The following A3GALT2 variants were observed in gnomAD, a reference collection of about 807,000 sequenced individuals.
A3GALT2 encodes the protein alpha-1,3-galactosyltransferase 2.
A3GALT2 carries 14 observed loss-of-function variants against 16.6 expected under a neutral mutation model. That is an observed-to-expected ratio of 0.84 (90% CI 0.56 to 1.32). The LOEUF (loss-of-function observed/expected upper bound fraction) is 1.32. A3GALT2 is among the 40% of genes most tolerant of loss of function. A3GALT2 has a pLI of 0.00. For missense variants in A3GALT2, 600 were observed against 490.9 expected (o/e 1.22, Z -2.10); for synonymous variants, 253 against 218.0 (o/e 1.16, Z -1.42).
intron 1 of A3GALT2, among the ~76,000 whole-genome samples, chr1:33,315,854 A>C (rs1646259004): frequency 6.6e-6 from 1 of 152,220 alleles, no homozygotes; most frequent in African/African-American, 2.4e-5. Flanking sequence ...CACTGTGCTA[A>C]GTCAGGGATT....
chr1:33,312,852 G>T lies in A3GALT2; in HGVS notation c.62C>A (p.Thr21Lys). Residue 21 changes from threonine (T) to lysine (K), a missense_variant, in exon 2 of 5, where the codon ACA (threonine) becomes AAA (lysine). Coordinates refer to ENST00000442999, the MANE Select transcript of A3GALT2 (RefSeq NM_001080438.1). ...CAGAAACAGGCCTAAGAGGCCAAGT[G>T]TAAGTAGGATCTGCCGCCAGAAGAT... is the stretch of plus-strand genomic sequence containing the variant. ...KRIFWRQILL[T>K]LGLLGLFLYG... 6.2e-7 allele frequency: 1 copy of T among 1,607,082 alleles called. No homozygotes were observed. The highest frequency in any genetic ancestry group is 1.3e-5 in the African/African-American group (1 of 74,980).
At chr1:33,319,176 G>T (rs149096023) in intron 1 of A3GALT2, among the ~76,000 whole-genome samples, 6 of 152,334 alleles carry the variant, frequency 3.9e-5, no homozygotes, top group Non-Finnish European at 8.8e-5. Context: ...GGTTGCAGTT[G>T]CTCAGGGGAG....
At chr1:33,318,409 C>T (rs1236688586) in intron 1 of A3GALT2, among the ~76,000 whole-genome samples, 1 of 152,000 alleles carries the variant, frequency 6.6e-6, no homozygotes, top group South Asian at 2.1e-4. Flanking sequence ...ATTCACTCTC[C>T]CCTTCCTGTG....
At chr1:33,309,233 C>G (rs554660720) in intron 4 of A3GALT2, among the ~76,000 whole-genome samples, 2 of 152,232 alleles carry the variant, frequency 1.3e-5, no homozygotes, top group African/African-American at 4.8e-5. Flanking sequence ...CTTTTCTATT[C>G]GACAAAACCA....
chr1:33,315,654 A>G (rs1256799432), intron 1 of A3GALT2, among the ~76,000 whole-genome samples: 2 of 152,230 alleles, frequency 1.3e-5, no homozygotes, highest in Non-Finnish European at 2.9e-5. Flanking sequence ...CCATTTGGAA[A>G]GCTACTTAGC....
At chr1:33,309,664 G>T (rs1475269843) in intron 4 of A3GALT2, among the ~76,000 whole-genome samples, 2 of 151,492 alleles carry the variant, frequency 1.3e-5, no homozygotes, top group Non-Finnish European at 2.9e-5. Context: ...GTTCCCAGAC[G>T]GGGGTCACGG....
intron 4 of A3GALT2, among the ~76,000 whole-genome samples, chr1:33,309,894 G>A (rs1304136129): frequency 2.0e-5 from 3 of 152,284 alleles, no homozygotes; most frequent in Non-Finnish European, 2.9e-5. Context: ...TCACTTCCCA[G>A]ATGGGGAGGC....
At chr1:33,316,516 C>G (rs1346440657) in intron 1 of A3GALT2, among the ~76,000 whole-genome samples, 3 of 152,124 alleles carry the variant, frequency 2.0e-5, no homozygotes, top group Non-Finnish European at 2.9e-5. Context: ...AAATCTGGAG[C>G]CTGGCCATGG....
intron 4 of A3GALT2, 36 bp downstream of exon 4, chr1:33,312,015 CA>C (rs755328394): frequency 6.2e-7 from 1 of 1,611,860 alleles, no homozygotes; most frequent in African/African-American, 1.3e-5. Flanking sequence ...CTCCCACTCA[CA>C]GCTTTGACAG....
chr1:33,311,177 C>T (rs537868807), intron 4 of A3GALT2, among the ~76,000 whole-genome samples: 1 of 152,302 alleles, frequency 6.6e-6, no homozygotes, highest in South Asian at 2.1e-4. Context: ...CCACTGTCAG[C>T]CAAGAGTCCC....
intron 3 of A3GALT2, 144 bp downstream of exon 3, chr1:33,312,357 T>C (rs2148160235): frequency 7.9e-7 from 1 of 1,271,800 alleles, no homozygotes; most frequent in South Asian, 1.5e-5. Flanking sequence ...GACTGGGAGA[T>C]GTGTGGCCCG....
Position 33,308,509 on chromosome 1 carries a change from G to A in A3GALT2, c.336-1056C>T, listed in dbSNP as rs559294099. On this transcript the variant is annotated intron_variant, in intron 4 of 4. Transcript: ENST00000442999. ...CAACCTCTGCCTCCCGGCTTCAAGC[G>A]ATTCTCCTGCCTCAGGCTCCAAGTA... 3.9e-5 allele frequency among the ~76,000 whole-genome samples: 6 copies of A among 152,102 alleles called. No homozygotes were observed. The South Asian group carries it at 8.3e-4, about 21-fold the overall frequency.
chr1:33,307,114 G>A lies in A3GALT2; in HGVS notation c.675C>T (p.Tyr225=). ...AGGGCAGCAGCCACGACGGCCAGTG[G>A]TAGTGCCAGGAGTGCAGCTGCGCCA... ...ESVAQLHSWH[Y]HWPSWLLPFE... is the part of the protein sequence containing the mutation. The change falls in exon 5 of 5, where the codon TAC becomes TAT. Residue 225 remains tyrosine (Y), a synonymous_variant. Transcript: ENST00000442999. 6.5e-7 allele frequency: 1 copy of A among 1,534,540 alleles called. No individual in the cohort carries two copies. The highest frequency in any genetic ancestry group is 8.7e-7 in the Non-Finnish European group (1 of 1,143,134).
At chr1:33,315,249 G>T (rs1375396901) in intron 1 of A3GALT2, among the ~76,000 whole-genome samples, 1 of 152,160 alleles carries the variant, frequency 6.6e-6, no homozygotes, top group African/African-American at 2.4e-5. Context: ...GGCCGTGGTG[G>T]CACGCGTCGG....
chr1:33,313,175 G>GTT (rs10662364), intron 1 of A3GALT2: 31,537 of 90,322 alleles, frequency 0.35, 13,154 homozygotes, highest in African/African-American at 0.62. Flanking sequence ...CAGTGACGGA[G>GTT]TTTTTTTTTT....
At chr1:33,309,123 T>A (rs1266210972) in intron 4 of A3GALT2, among the ~76,000 whole-genome samples, 1 of 152,024 alleles carries the variant, frequency 6.6e-6, no homozygotes, top group Admixed American at 6.5e-5. Context: ...GGCAGAAGAA[T>A]TTTTCTTAGT....
At chr1:33,309,074 C>T (rs1021738844) in intron 4 of A3GALT2, among the ~76,000 whole-genome samples, 22 of 151,184 alleles carry the variant, frequency 1.5e-4, no homozygotes, top group African/African-American at 4.6e-4. Context: ...TCAGAGAGCA[C>T]GGGGTTGGGG....
At chr1:33,308,747 GTTGTTTTTTTTTTT>G (rs1381318163) in intron 4 of A3GALT2, among the ~76,000 whole-genome samples, 1 of 67,210 alleles carries the variant, frequency 1.5e-5, no homozygotes, top group African/African-American at 1.1e-4. Flanking sequence ...TCATGTCAAA[GTTGTTTTTTTTTTT>G]TTTTTTTTTT....
At chr1:33,315,168 G>C (rs1293817828) in intron 1 of A3GALT2, among the ~76,000 whole-genome samples, 1 of 152,094 alleles carries the variant, frequency 6.6e-6, no homozygotes, top group East Asian at 1.9e-4. Flanking sequence ...TGGATCACAA[G>C]GTCAAGAGAT....
Sources: allele counts gnomAD v4.1 joint callset (sites outside exome capture counted in the v4.1 genomes callset), GRCh38; gene constraint gnomAD v4.1.1; transcripts MANE v1.5; gene names NCBI Gene and HGNC (gene_info 2026-07-23, HGNC 2026-07-21).